Variants in SYN3 observed in about 807,000 individuals in gnomAD.
The protein encoded by SYN3 is synapsin-3.
SYN3 carries 35 observed loss-of-function variants against 65.8 expected under a neutral mutation model. The ratio of observed to expected loss-of-function variants is 0.53; its 90% CI spans 0.41 to 0.70. The LOEUF is 0.70. SYN3 is among the 30% of genes least tolerant of loss of function. The pLI, the probability that SYN3 is intolerant of heterozygous loss-of-function variation, is 0.00. For missense variants in SYN3, 680 were observed against 749.0 expected (o/e 0.91, Z 1.08); for synonymous variants, 270 against 292.9 (o/e 0.92, Z 0.80).
At chr22:32,539,208 A>C (rs898163435) in intron 8 of SYN3, among the ~76,000 whole-genome samples, 11 of 152,072 alleles carry the variant, frequency 7.2e-5, no homozygotes, top group African/African-American at 2.7e-4. Flanking sequence ...AGAATAGATG[A>C]CCACCAGGAG....
chr22:32,856,673 A>T (rs2048377266), intron 6 of SYN3, among the ~76,000 whole-genome samples: 1 of 152,200 alleles, frequency 6.6e-6, no homozygotes. Context: ...GGAACATCTG[A>T]ATTATCCTCT....
rs1200923698 is a variant in SYN3, at chr22:32,508,050, A to T, written c.*5642T>A. Among the ~76,000 whole-genome samples, 1 of 151,914 alleles carries T rather than the reference A, an allele frequency of 6.6e-6. No homozygotes were observed. Among genetic ancestry groups the T allele is most frequent in the African/African-American group, 2.4e-5 (1 of 41,330 alleles). ...AACACTATTTTGTTTTATTTTTCTT[A>T]TTAATATAAGAAGGCAGGAATGTCA... On this transcript the variant is annotated 3_prime_UTR_variant, in exon 14 of 14. Coordinates refer to ENST00000358763, the MANE Select transcript of SYN3 (RefSeq NM_003490.4).
intron 13 of SYN3, among the ~76,000 whole-genome samples, chr22:32,515,254 C>G (rs1601536960): frequency 6.6e-6 from 1 of 152,232 alleles, no homozygotes; most frequent in African/African-American, 2.4e-5. Flanking sequence ...GAGCCCCTGT[C>G]TGTCCTGTGA....
chr22:32,677,365 C>T (rs1280480291), intron 6 of SYN3, among the ~76,000 whole-genome samples: 2 of 152,160 alleles, frequency 1.3e-5, no homozygotes, highest in African/African-American at 4.8e-5. Flanking sequence ...TTTACTGTAC[C>T]ATTGTTCATG....
At chr22:32,874,408 G>A (rs1412149264) in intron 4 of SYN3, among the ~76,000 whole-genome samples, 2 of 152,192 alleles carry the variant, frequency 1.3e-5, no homozygotes, top group African/African-American at 4.8e-5. Context: ...GGAAATCAAG[G>A]ACAAGAAATA....
chr22:32,780,341 A>G (rs1483553860), intron 6 of SYN3, among the ~76,000 whole-genome samples: 1 of 152,110 alleles, frequency 6.6e-6, no homozygotes, highest in Non-Finnish European at 1.5e-5. Flanking sequence ...CTAAAATTAC[A>G]GGTGATCGGA....
At chr22:32,778,949 G>T (rs2045969850) in intron 6 of SYN3, among the ~76,000 whole-genome samples, 2 of 151,940 alleles carry the variant, frequency 1.3e-5, no homozygotes, top group South Asian at 4.2e-4. Context: ...AATATTTATT[G>T]AGCACCTCTT....
intron 3 of SYN3, among the ~76,000 whole-genome samples, chr22:32,938,280 GCACT>G: frequency 6.6e-6 from 1 of 152,256 alleles, no homozygotes; most frequent in South Asian, 2.1e-4. Flanking sequence ...TGTAATCCCA[GCACT>G]TTGGGAGGCC....
In SYN3 at chr22:32,572,495, C is replaced by T. The variant is rs188093195; in HGVS notation, c.774+24179G>A. Among the ~76,000 whole-genome samples the T allele has an allele frequency of 1.6e-3, 222 of 137,656 alleles. 1 individual carries two copies. Among genetic ancestry groups the T allele is most frequent in the Non-Finnish European group, 2.8e-3 (183 of 64,284 alleles). 90.3% of individuals were successfully genotyped at this position (137,656 alleles called of 152,430 possible). On this transcript the variant is annotated intron_variant, in intron 7 of 13. Coordinates refer to ENST00000358763, the MANE Select transcript of SYN3 (RefSeq NM_003490.4). ...TCTCCTTCCCTCCCTTCCTTTTCTT[C>T]CTTCCTTCCTCCCTCCCTTTCTCTT...
At chr22:32,750,546 G>A (rs577030500) in intron 6 of SYN3, among the ~76,000 whole-genome samples, 47 of 152,286 alleles carry the variant, frequency 3.1e-4, no homozygotes, top group Non-Finnish European at 5.4e-4. Context: ...ACATGGCAAT[G>A]ACTTAGACTC....
intron 6 of SYN3, among the ~76,000 whole-genome samples, chr22:32,641,770 C>CACTT (rs1407614011): frequency 1.3e-5 from 2 of 151,948 alleles, no homozygotes; most frequent in Non-Finnish European, 2.9e-5. Context: ...TACTAAAAGC[C>CACTT]ACTTAATACT....
chr22:32,650,758 C>T (rs1002409320), intron 6 of SYN3, among the ~76,000 whole-genome samples: 6 of 152,142 alleles, frequency 3.9e-5, no homozygotes, highest in South Asian at 4.1e-4. Context: ...CACTATGCCG[C>T]GTGTTTACTG....
rs73162013 is a variant in SYN3 at position 32,951,135 on chromosome 22, A to T, written c.370-19654T>A. ...CAATAGCAGTGATAATAAAAAGGAA[A>T]CACAAACCCTACATGACTTACAAGG... On this transcript the variant is annotated intron_variant, in intron 3 of 13. Transcript: ENST00000358763. Among the ~76,000 whole-genome samples, 287 of 152,332 alleles carry T rather than the reference A, an allele frequency of 1.9e-3. 2 individuals are homozygous for T. Among genetic ancestry groups the T allele is most frequent in the Admixed American group, 2.3e-3 (35 of 15,306 alleles).
chr22:32,831,850 C>A (rs777358343), intron 6 of SYN3, among the ~76,000 whole-genome samples: 2 of 152,072 alleles, frequency 1.3e-5, no homozygotes, highest in East Asian at 1.9e-4. Flanking sequence ...TCACTGCACC[C>A]CCCCCAACCT....
intron 3 of SYN3, among the ~76,000 whole-genome samples, chr22:32,978,223 T>A (rs1341988952): frequency 3.3e-5 from 5 of 151,774 alleles, no homozygotes; most frequent in Non-Finnish European, 5.9e-5. Context: ...ATCTAGGTGA[T>A]GGGGATGAAG....
chr22:32,847,198 A>C (rs2048090200), intron 6 of SYN3, among the ~76,000 whole-genome samples: 1 of 152,230 alleles, frequency 6.6e-6, no homozygotes, highest in Non-Finnish European at 1.5e-5. Context: ...ATGCCTCTGC[A>C]CGGAGGTGAA....
intron 7 of SYN3, among the ~76,000 whole-genome samples, chr22:32,545,791 C>T (rs1397177878): frequency 1.3e-5 from 2 of 152,292 alleles, no homozygotes; most frequent in South Asian, 2.1e-4. Flanking sequence ...GAACTCCTGA[C>T]CTCAAGTGAT....
intron 6 of SYN3, among the ~76,000 whole-genome samples, chr22:32,719,216 C>A (rs2061081893): frequency 6.6e-6 from 1 of 152,182 alleles, no homozygotes; most frequent in Non-Finnish European, 1.5e-5. Flanking sequence ...TAGGACTTCA[C>A]CAACGGTAAG....
intron 6 of SYN3, among the ~76,000 whole-genome samples, chr22:32,803,523 C>G (rs1390965888): frequency 6.6e-6 from 1 of 152,170 alleles, no homozygotes; most frequent in Non-Finnish European, 1.5e-5. Context: ...ATGGTACATC[C>G]TCCCCTCTCC....
Sources: allele counts gnomAD v4.1 joint callset (sites outside exome capture counted in the v4.1 genomes callset), GRCh38; gene constraint gnomAD v4.1.1; transcripts MANE v1.5; gene names NCBI Gene and HGNC (gene_info 2026-07-23, HGNC 2026-07-21).